The following MAP4 variants were observed in gnomAD, a reference collection of about 807,000 sequenced individuals.
MAP4 encodes microtubule-associated protein 4.
In MAP4, 76 loss-of-function variants were observed where a neutral mutation model predicts 170.2. The ratio of observed to expected loss-of-function variants is 0.45; its 90% confidence interval spans 0.37 to 0.54. MAP4 has a LOEUF of 0.54. MAP4 is among the 20% of genes least tolerant of loss of function. The probability of loss-of-function intolerance (pLI) is 0.00; values close to 1 mark genes in which losing one functional copy is unlikely to be tolerated. For missense variants in MAP4, 2,506 were observed against 2,748.0 expected (o/e 0.91, Z 1.97); for synonymous variants, 909 against 994.5 (o/e 0.91, Z 1.62).
chr3:47,855,008 C>G lies in MAP4; in HGVS notation c.6696+240G>C, dbSNP rs980662318. ...GGGCTCAATTAGGAAGGCCATGGCT[C>G]TCAGGAGCAAGGTTCTGCCTCCAGC... On this transcript the variant is annotated intron_variant, in intron 19 of 20. Coordinates refer to ENST00000683076, the MANE Select transcript of MAP4 (RefSeq NM_001385682.1). This position sits in a 1 kb window ranked among gnomAD's most constrained non-coding sequence, Gnocchi z 5.1. The G allele has an allele frequency of 2.7e-5, 14 of 510,622 alleles. No individual in the cohort carries two copies. Among genetic ancestry groups the G allele is most frequent in the Admixed American group, 2.2e-4 (7 of 31,936 alleles). The allele number at this position is 510,622 out of a possible 1,614,324, so 31.6% of individuals were successfully genotyped here.
Position 47,916,535 on chromosome 3 carries a change from G to GAA in MAP4, c.1291_1292insTT (p.Ser431PhefsTer15). ...GGACAAAGCCACCTTCTCAGCAGAG[G>GAA]ATATTTCTGTGGATGATATAATGTC... is the stretch of plus-strand genomic sequence containing the variant. On this transcript the variant is annotated frameshift_variant, in exon 7 of 21. Coordinates refer to ENST00000683076, the MANE Select transcript of MAP4 (RefSeq NM_001385682.1). LOFTEE classifies it high-confidence loss of function. 6.2e-7 allele frequency: 1 copy of GAA among 1,614,110 alleles called. No individual in the cohort carries two copies. Among genetic ancestry groups the GAA allele is most frequent in the Non-Finnish European group, 8.5e-7 (1 of 1,179,958 alleles).
intron 1 of MAP4, among the ~76,000 whole-genome samples, chr3:48,025,208 T>C (rs969220489): frequency 3.9e-5 from 6 of 152,168 alleles, no homozygotes; most frequent in African/African-American, 1.4e-4. Flanking sequence ...CAAAATGTGA[T>C]TTCATATGGC....
chr3:47,917,037 T>C lies in MAP4; in HGVS notation c.790A>G (p.Met264Val), dbSNP rs1480040475. 6.2e-7 allele frequency: 1 copy of C among 1,614,130 alleles called. No homozygotes were observed. Among genetic ancestry groups the C allele is most frequent in the Non-Finnish European group, 8.5e-7 (1 of 1,180,056 alleles). ...KETEMALAKDMALATKTEVAL... is the reference protein window; with the variant it reads ...KETEMALAKDVALATKTEVAL... ...ACCTCGGTTTTTGTAGCTAGTGCCA[T>C]GTCCTTGGCGAGGGCCATCTCTGTT... Residue 264 changes from methionine to valine, a missense_variant, in exon 7 of 21, where the codon ATG (methionine) becomes GTG (valine). Transcript: ENST00000683076.
intron 10 of MAP4, among the ~76,000 whole-genome samples, chr3:47,893,585 A>C (rs1232621006): frequency 6.6e-6 from 1 of 152,168 alleles, no homozygotes; most frequent in African/African-American, 2.4e-5. Flanking sequence ...CCATAAAACA[A>C]AACTGTGAGA....
chr3:48,061,245 C>T (rs892810420), intron 1 of MAP4, among the ~76,000 whole-genome samples: 11 of 151,364 alleles, frequency 7.3e-5, no homozygotes, highest in African/African-American at 2.4e-4. Context: ...GATGCCGAGC[C>T]GAAGCTGGAC....
intron 1 of MAP4, among the ~76,000 whole-genome samples, chr3:48,074,351 T>C (rs1254713289): frequency 6.7e-6 from 1 of 150,294 alleles, no homozygotes; most frequent in Non-Finnish European, 1.5e-5. Flanking sequence ...GAGTTATACC[T>C]AATGTAAATG....
intron 1 of MAP4, among the ~76,000 whole-genome samples, chr3:48,024,039 CA>C (rs2100111846): frequency 6.6e-6 from 1 of 152,184 alleles, no homozygotes; most frequent in African/African-American, 2.4e-5. Flanking sequence ...GGGCCAGGTG[CA>C]GTGGCTCACG....
At position 47,874,450 on chromosome 3, in the gene MAP4, C is replaced by G. The variant is rs184771617; in HGVS notation, c.5757+1235G>C. ...TGCCACTGCACTCCAGCCTGGGTGA[C>G]AGAGCGAGGCTCCATCTCAAAAAAA... On this transcript the variant is annotated intron_variant, in intron 12 of 20. Transcript: ENST00000683076. 4.2e-3 allele frequency among the ~76,000 whole-genome samples: 646 copies of G among 152,182 alleles called. 5 individuals are homozygous for G. Among genetic ancestry groups the G allele is most frequent in the African/African-American group, 0.014 (589 of 41,482 alleles).
intron 3 of MAP4, among the ~76,000 whole-genome samples, chr3:47,946,701 G>C (rs2100060253): frequency 7.1e-6 from 1 of 140,656 alleles, no homozygotes; most frequent in Non-Finnish European, 1.5e-5. Context: ...TAACAATTAT[G>C]TCAGGATAAT....
rs575440483 is a variant in MAP4, at chr3:47,892,507, GCT to G, written c.5434+10441_5434+10442del. 3,672 of 1,502,972 alleles carry G rather than the reference GCT, an allele frequency of 2.4e-3. 11 individuals carry two copies. Among genetic ancestry groups the G allele is most frequent in the Non-Finnish European group, 3.0e-3 (3,398 of 1,129,834 alleles). 93.1% of individuals were successfully genotyped at this position (1,502,972 alleles called of 1,614,324 possible). ...AGAGCGACATCGTCTCTCCTCCACT[GCT>G]CTCCCTGCTTTCGCTCCTGGAGCTC... On this transcript the variant is annotated intron_variant, in intron 10 of 20. Coordinates refer to ENST00000683076, the MANE Select transcript of MAP4 (RefSeq NM_001385682.1).
chr3:47,850,713 CTTTA>C lies in MAP4; in HGVS notation c.*2217_*2220del, dbSNP rs956745256. 11 of 154,100 alleles carry C rather than the reference CTTTA, an allele frequency of 7.1e-5. No individual in the cohort carries two copies. The highest frequency in any genetic ancestry group is 3.8e-4 in the Admixed American group (6 of 15,772). The allele number at this position is 154,100 out of a possible 1,614,324, so 9.5% of individuals were successfully genotyped here. On this transcript the variant is annotated 3_prime_UTR_variant, in exon 21 of 21. Transcript: ENST00000683076. ...GCCTGCGTGATGGGACATCAGGCAGCTTTATTTATTTACTCTTAAAACTGTTACA... is the reference window on the plus strand; with the variant it reads ...GCCTGCGTGATGGGACATCAGGCAGCTTTATTTACTCTTAAAACTGTTACA...
chr3:48,055,910 G>A (rs1472552324), intron 1 of MAP4, among the ~76,000 whole-genome samples: 1 of 58,482 alleles, frequency 1.7e-5, no homozygotes, highest in Admixed American at 1.8e-4. Context: ...CGTCTGGGAG[G>A]TGAGGAGCGT....
intron 18 of MAP4, among the ~76,000 whole-genome samples, chr3:47,856,980 C>G (rs977869184): frequency 6.6e-6 from 1 of 152,240 alleles, no homozygotes; most frequent in Admixed American, 6.5e-5. Flanking sequence ...AGTTGCTGAA[C>G]GCCTCCCATT....
rs539614631 is a variant in MAP4, at chr3:47,957,861, C to A, written c.292+20004G>T. 2.0e-5 allele frequency among the ~76,000 whole-genome samples: 3 copies of A among 152,278 alleles called. No homozygotes were observed. In the South Asian group the frequency reaches 6.2e-4, roughly 32 times the overall value. ...TGTCTCCTCCCTCAATCAGAATATA[C>A]AGGTCTGGGAATCAAAGGGTAGAAG... On this transcript the variant is annotated intron_variant, in intron 3 of 20. Coordinates refer to ENST00000683076, the MANE Select transcript of MAP4 (RefSeq NM_001385682.1).
intron 1 of MAP4, among the ~76,000 whole-genome samples, chr3:48,070,934 AG>A (rs1159092825): frequency 6.6e-6 from 1 of 151,844 alleles, no homozygotes; most frequent in Non-Finnish European, 1.5e-5. Flanking sequence ...CTAAGGCAGG[AG>A]GATCACTGGA....
intron 3 of MAP4, among the ~76,000 whole-genome samples, chr3:47,951,060 T>A (rs1169726383): frequency 2.6e-4 from 40 of 152,356 alleles, no homozygotes; most frequent in Non-Finnish European, 1.0e-4. Context: ...GTAACTAGAT[T>A]AGCTATTTTA....
intron 1 of MAP4, among the ~76,000 whole-genome samples, chr3:48,074,676 T>TTTTTTGTGTGTG (rs746281743): frequency 2.1e-4 from 19 of 90,638 alleles, no homozygotes; most frequent in Non-Finnish European, 2.9e-4. Flanking sequence ...ATCCAGCTAA[T>TTTTTTGTGTGTG]TGTGTGTGTG....
At chr3:48,051,036 T>G (rs2100127520) in intron 1 of MAP4, among the ~76,000 whole-genome samples, 1 of 151,902 alleles carries the variant, frequency 6.6e-6, no homozygotes, top group African/African-American at 2.4e-5. Flanking sequence ...ACAAACATCT[T>G]GGATTCACAG....
At chr3:47,876,132 C>CTTTT (rs756229459) in intron 11 of MAP4, among the ~76,000 whole-genome samples, 1 of 140,570 alleles carries the variant, frequency 7.1e-6, no homozygotes, top group Non-Finnish European at 1.5e-5. Context: ...TTTTCTTTTT[C>CTTTT]TTTCTTTTTT....
Sources: gnomAD v4.1 joint callset for allele counts (sites outside exome capture counted in the v4.1 genomes callset) on GRCh38, gnomAD v4.1.1 for gene constraint, Gnocchi (gnomAD v3.1) non-coding constraint, MANE v1.5 for transcripts, NCBI Gene and HGNC (gene_info 2026-07-23, HGNC 2026-07-21) for gene names.